The following CLEC12A variants were observed in gnomAD, a reference collection of about 807,000 sequenced individuals.
The protein encoded by CLEC12A is C-type lectin domain family 12 member A.
In CLEC12A, 22 loss-of-function variants were observed where a neutral mutation model predicts 26.5. That is an observed-to-expected ratio of 0.83 (90% CI 0.59 to 1.19). CLEC12A has a LOEUF of 1.19. Ranked by LOEUF, CLEC12A falls within the 50% of genes most tolerant of loss-of-function variation. CLEC12A has a pLI of 0.00. For missense variants in CLEC12A, 353 were observed against 315.6 expected, an observed-to-expected ratio of 1.12 and a Z score of -0.90; for synonymous variants, 119 against 101.9, an observed-to-expected ratio of 1.17 and a Z score of -1.01.
chr12:9,967,930 T>C (rs536783716), upstream of CLEC12A, among the ~76,000 whole-genome samples: 1 of 152,252 alleles, frequency 6.6e-6, no homozygotes, highest in South Asian at 2.1e-4. Flanking sequence ...AAGGGAAGAC[T>C]GTCTTCCCAA....
At chr12:9,979,895 T>C (rs1260031009) in intron 3 of CLEC12A, among the ~76,000 whole-genome samples, 1 of 152,190 alleles carries the variant, frequency 6.6e-6, no homozygotes, top group Non-Finnish European at 1.5e-5. Context: ...CAGTGATTGA[T>C]AACAAAGTCC....
At chr12:10,004,510 C>A in the CLEC12A span, among the ~76,000 whole-genome samples, 8 of 151,970 alleles carry the variant, frequency 5.3e-5, no homozygotes, top group Non-Finnish European at 1.0e-4. Flanking sequence ...CTCCTCTTGG[C>A]GTTCAGAAGT....
intron 1 of CLEC12A, among the ~76,000 whole-genome samples, chr12:9,976,355 G>GAGCCT (rs755395674): frequency 5.3e-5 from 8 of 152,194 alleles, no homozygotes; most frequent in Non-Finnish European, 1.0e-4. Flanking sequence ...AAAGACATGG[G>GAGCCT]AGCCTACCTC....
downstream of CLEC12A, among the ~76,000 whole-genome samples, chr12:9,986,314 T>C (rs377500992): frequency 7.8e-6 from 1 of 127,496 alleles, no homozygotes; most frequent in Admixed American, 8.8e-5. Context: ...TGGATTACCA[T>C]AGCCAAAAAA....
intron 1 of CLEC12A, among the ~76,000 whole-genome samples, chr12:9,978,220 A>G (rs946252046): frequency 1.3e-5 from 2 of 152,208 alleles, no homozygotes; most frequent in South Asian, 4.1e-4. Context: ...TTTATACATA[A>G]TGATGATTTA....
chr12:9,978,906 A>G, intron 1 of CLEC12A, 60 bp from the exon 2 acceptor site: 3 of 1,195,856 alleles, frequency 2.5e-6, no homozygotes, highest in Admixed American at 1.7e-5. Flanking sequence ...TGAATGAGTA[A>G]ATAATCCAAA....
At chr12:10,005,560 A>G in the CLEC12A span, among the ~76,000 whole-genome samples, 1 of 152,236 alleles carries the variant, frequency 6.6e-6, no homozygotes, top group East Asian at 1.9e-4. Flanking sequence ...ATTTACTATT[A>G]AGAAAAATAA....
rs138149131 is a variant in CLEC12A, at chr12:9,956,746, C to T, written c.10+5390C>T. Among the ~76,000 whole-genome samples, 204 of 152,286 alleles carry T rather than the reference C, an allele frequency of 1.3e-3. 1 individual carries two copies. The highest frequency in any genetic ancestry group is 4.5e-3 in the African/African-American group (185 of 41,560). ...AATAAATTGGTCCTACTGTGATTTG[C>T]CTTTCATGGAAATGGGGAGCTGGAG... On this transcript the variant is annotated intron_variant, in intron 1 of 6. Coordinates refer to the CLEC12A transcript ENST00000355690.
At chr12:9,955,472 T>A (rs1863729538) in intron 1 of CLEC12A, among the ~76,000 whole-genome samples, 1 of 152,192 alleles carries the variant, frequency 6.6e-6, no homozygotes, top group African/African-American at 2.4e-5. Flanking sequence ...AGCTTTGATA[T>A]CTCTTTTCTC....
At chr12:10,004,236 A>G in the CLEC12A span, among the ~76,000 whole-genome samples, 1 of 152,224 alleles carries the variant, frequency 6.6e-6, no homozygotes. Context: ...ATAAGTGTTA[A>G]CCAGCTCAGT....
downstream of CLEC12A, chr12:9,986,273 C>A: frequency 1.6e-5 from 4 of 256,994 alleles, no homozygotes; most frequent in Admixed American, 4.0e-5. Flanking sequence ...ACTAAAAATA[C>A]GAAGAAAAAT....
At chr12:9,994,669 G>A (rs1216985995) in intron 4 of CLEC12A, among the ~76,000 whole-genome samples, 3 of 152,054 alleles carry the variant, frequency 2.0e-5, no homozygotes, top group African/African-American at 4.8e-5. Flanking sequence ...AATTCTTGGA[G>A]ACTCCCAGAA....
chr12:9,955,493 T>C (rs1250957993), intron 1 of CLEC12A, among the ~76,000 whole-genome samples: 1 of 152,184 alleles, frequency 6.6e-6, no homozygotes, highest in African/African-American at 2.4e-5. Flanking sequence ...ATAAGTAATA[T>C]AGATAATTGC....
Position 9,962,692 on chromosome 12 carries a change from A to T in CLEC12A, c.11-8885A>T, listed in dbSNP as rs1863856050. 2.0e-5 allele frequency among the ~76,000 whole-genome samples: 3 copies of T among 152,098 alleles called. No homozygotes were observed. In the South Asian group the frequency reaches 6.2e-4, roughly 32 times the overall value. ...GAGCCAGGATGAGCCAGGAGAAGGAATTTTATAATGTCATCAGTTAAGGCA... is the reference window on the plus strand; with the variant it reads ...GAGCCAGGATGAGCCAGGAGAAGGATTTTTATAATGTCATCAGTTAAGGCA... On this transcript the variant is annotated intron_variant, in intron 1 of 6. Transcript: ENST00000355690.
chr12:9,965,908 C>T (rs1399459352), intron 1 of CLEC12A, among the ~76,000 whole-genome samples: 7 of 151,828 alleles, frequency 4.6e-5, no homozygotes, highest in South Asian at 2.1e-4. Flanking sequence ...GTGTCCTATA[C>T]TTGTGGGTTA....
At chr12:9,999,158 C>G, downstream of CLEC12A, 1 of 1,129,642 alleles carries the variant, frequency 8.9e-7, no homozygotes, top group South Asian at 1.3e-5. Context: ...AATGTAGTTT[C>G]CAACTTTACA....
chr12:9,955,415 T>C (rs561847054), intron 1 of CLEC12A, among the ~76,000 whole-genome samples: 1 of 152,316 alleles, frequency 6.6e-6, no homozygotes, highest in South Asian at 2.1e-4. Context: ...TAGGTGAACA[T>C]CTAATATATA....
downstream of CLEC12A, chr12:9,996,993 A>C (rs773981146): frequency 3.7e-6 from 6 of 1,613,858 alleles, no homozygotes; most frequent in Non-Finnish European, 3.4e-6. Context: ...GGCTGCATTT[A>C]TGACCTTCTG....
the CLEC12A span, among the ~76,000 whole-genome samples, chr12:10,005,102 G>T: frequency 6.6e-6 from 1 of 152,004 alleles, no homozygotes; most frequent in Non-Finnish European, 1.5e-5. Context: ...AAACTTCATG[G>T]CAGGGACTAT....
Sources: gnomAD v4.1 joint callset for allele counts (sites outside exome capture counted in the v4.1 genomes callset) on GRCh38, gnomAD v4.1.1 for gene constraint, MANE v1.5 for transcripts, NCBI Gene and HGNC (gene_info 2026-07-23, HGNC 2026-07-21) for gene names.